GATAD2B: variants seen among roughly 807,000 people sequenced by gnomAD.
The protein encoded by GATAD2B is GATA zinc finger domain containing 2B, also known as transcriptional repressor p66-beta.
In GATAD2B, 8 loss-of-function variants were observed where a neutral mutation model predicts 64.3. The observed-to-expected ratio is 0.12, with a 90% CI of 0.07 to 0.22. The LOEUF (loss-of-function observed/expected upper bound fraction) is 0.22. Ranked by LOEUF, GATAD2B falls within the 10% of genes least tolerant of loss-of-function variation. The pLI, the probability that GATAD2B is intolerant of heterozygous loss-of-function variation, is 1.00. For synonymous variants in GATAD2B, 281 were observed against 271.3 expected (o/e 1.04, Z -0.35); for missense variants, 453 against 752.0 (o/e 0.60, Z 4.65).
chr1:153,874,774 A>G (rs1388245209), intron 1 of GATAD2B, among the ~76,000 whole-genome samples: 1 of 151,998 alleles, frequency 6.6e-6, no homozygotes, highest in South Asian at 2.1e-4. Context: ...ACAGGGTTTC[A>G]TCATATTGCT....
intron 1 of GATAD2B, among the ~76,000 whole-genome samples, chr1:153,915,192 C>T (rs533349583): frequency 6.6e-6 from 1 of 152,148 alleles, no homozygotes; most frequent in South Asian, 2.1e-4. Flanking sequence ...TTTGGGAGGC[C>T]GAGTCAGGCG....
chr1:153,920,049 C>T (rs13374878), intron 1 of GATAD2B, among the ~76,000 whole-genome samples: 3,064 of 152,280 alleles, frequency 0.02, 110 homozygotes, highest in African/African-American at 0.07. Flanking sequence ...CAGCATGACT[C>T]CCAATGGGGT....
intron 1 of GATAD2B, among the ~76,000 whole-genome samples, chr1:153,903,420 A>T (rs1677837812): frequency 6.6e-6 from 1 of 152,188 alleles, no homozygotes; most frequent in African/African-American, 2.4e-5. Flanking sequence ...ATTTTCTGCC[A>T]TAGTTTGAGA....
intron 1 of GATAD2B, chr1:153,852,870 G>A: frequency 1.3e-6 from 1 of 776,830 alleles, no homozygotes; most frequent in Non-Finnish European, 2.3e-6. Context: ...GTCCTACCAA[G>A]AGCTCTGATT....
intron 9 of GATAD2B, 86 bp downstream of exon 9, chr1:153,811,936 T>C: frequency 8.0e-7 from 1 of 1,256,556 alleles, no homozygotes. Flanking sequence ...AAGAAGACTA[T>C]GATTTCCCAC....
intron 1 of GATAD2B, among the ~76,000 whole-genome samples, chr1:153,860,127 C>A (rs1676231942): frequency 6.6e-6 from 1 of 151,892 alleles, no homozygotes; most frequent in Non-Finnish European, 1.5e-5. Context: ...GTTGGCCAGG[C>A]TGGTCTCGAA....
At chr1:153,877,656 C>T (rs1191479068) in intron 1 of GATAD2B, among the ~76,000 whole-genome samples, 1 of 151,818 alleles carries the variant, frequency 6.6e-6, no homozygotes, top group South Asian at 2.1e-4. Flanking sequence ...GGTGGGGCAA[C>T]TGCTTGAGCT....
intron 1 of GATAD2B, among the ~76,000 whole-genome samples, chr1:153,837,683 A>G (rs1459570187): frequency 6.6e-6 from 1 of 152,206 alleles, no homozygotes; most frequent in Non-Finnish European, 1.5e-5. Flanking sequence ...TGTTCTTCTA[A>G]AACAGACTGT....
At chr1:153,899,568 T>C (rs1365772886) in intron 1 of GATAD2B, among the ~76,000 whole-genome samples, 1 of 147,736 alleles carries the variant, frequency 6.8e-6, no homozygotes, top group South Asian at 2.1e-4. Context: ...AACTCCATCT[T>C]AAAAAGAAAA....
chr1:153,817,604 A>C, intron 5 of GATAD2B, 62 bp from the exon 6 acceptor site: 1 of 1,218,374 alleles, frequency 8.2e-7, no homozygotes, highest in Non-Finnish European at 1.1e-6. Flanking sequence ...AATACAGCAC[A>C]AAATGCAAAA....
rs760035749 is a variant in GATAD2B, at chr1:153,808,069, T to A, written c.*2108A>T. On this transcript the variant is annotated 3_prime_UTR_variant, in exon 11 of 11. Transcript: ENST00000368655. ...ATGTAAGAATATATCTTTATATATA[T>A]ATATATAATTTTAAAATAATCCCAG... 6.6e-6 allele frequency: 1 copy of A among 151,760 alleles called. No individual in the cohort carries two copies. The highest frequency in any genetic ancestry group is 1.5e-5 in the Non-Finnish European group (1 of 67,972). 9.4% of individuals were successfully genotyped at this position (151,760 alleles called of 1,614,324 possible).
rs549495306 is a variant in GATAD2B at position 153,899,349 on chromosome 1, A to C, written c.-2+23384T>G. Among the ~76,000 whole-genome samples, 3 of 152,268 alleles carry C rather than the reference A, an allele frequency of 2.0e-5. No homozygotes were observed. The South Asian group carries it at 6.2e-4, about 32-fold the overall frequency. On this transcript the variant is annotated intron_variant, in intron 1 of 10. Coordinates refer to ENST00000368655, the MANE Select transcript of GATAD2B (RefSeq NM_020699.4). Reference sequence around the variant, plus strand: ...TTTGGGAGGCCAAGGTGGGCGGATCACCTGAGGTCAGGAGCTCGAGACCAG... The same window carrying C: ...TTTGGGAGGCCAAGGTGGGCGGATCCCCTGAGGTCAGGAGCTCGAGACCAG...
At chr1:153,879,266 G>A (rs1317328276) in intron 1 of GATAD2B, among the ~76,000 whole-genome samples, 2 of 151,634 alleles carry the variant, frequency 1.3e-5, no homozygotes, top group African/African-American at 4.8e-5. Flanking sequence ...GTAGAGATAG[G>A]GTTTCACCTT....
chr1:153,861,781 C>CAAAAAAAAAAAAA (rs869141712), intron 1 of GATAD2B, among the ~76,000 whole-genome samples: 2,873 of 83,394 alleles, frequency 0.034, 235 homozygotes, highest in Non-Finnish European at 0.05. Flanking sequence ...GACTCCATTT[C>CAAAAAAAAAAAAA]AAAAAAAAAA....
intron 1 of GATAD2B, among the ~76,000 whole-genome samples, chr1:153,889,183 G>A (rs1234566408): frequency 1.3e-5 from 2 of 151,902 alleles, no homozygotes; most frequent in Non-Finnish European, 2.9e-5. Context: ...CAGGCCGGGT[G>A]TGGTGGCTCA....
At chr1:153,907,193 A>G (rs559678532) in intron 1 of GATAD2B, among the ~76,000 whole-genome samples, 102 of 152,358 alleles carry the variant, frequency 6.7e-4, no homozygotes, top group African/African-American at 1.7e-3. Context: ...ACTCAAGCAG[A>G]TATCTGCCCA....
chr1:153,852,960 A>G, intron 1 of GATAD2B: 1 of 900,638 alleles, frequency 1.1e-6, no homozygotes, highest in South Asian at 1.4e-5. Flanking sequence ...TGCCACTGAC[A>G]CAGACTTGGG....
At position 153,815,455 on chromosome 1, in the gene GATAD2B, C is replaced by CT. The variant is rs66480651; in HGVS notation, c.1216+817dup. ...TGAAACAACATACAACAAAAACAATCTTTTTTTTTTTACTAATGTTATAAT... is the reference window on the plus strand; with the variant it reads ...TGAAACAACATACAACAAAAACAATCTTTTTTTTTTTTACTAATGTTATAAT... On this transcript the variant is annotated intron_variant, in intron 7 of 10. Transcript: ENST00000368655. Among the ~76,000 whole-genome samples, 19 of 150,108 alleles carry CT rather than the reference C, an allele frequency of 1.3e-4. 1 individual carries two copies. The East Asian group carries it at 1.6e-3, about 12-fold the overall frequency.
chr1:153,852,103 T>G, intron 1 of GATAD2B: 1 of 591,572 alleles, frequency 1.7e-6, no homozygotes, highest in Non-Finnish European at 3.1e-6. Flanking sequence ...GCAAGTTTAA[T>G]GAGTTTTGTG....
Sources: allele counts gnomAD v4.1 joint callset (sites outside exome capture counted in the v4.1 genomes callset), GRCh38; gene constraint gnomAD v4.1.1; transcripts MANE v1.5; gene names NCBI Gene and HGNC (gene_info 2026-07-23, HGNC 2026-07-21).